COL21A1: variants seen among roughly 807,000 people sequenced by gnomAD.
The protein encoded by COL21A1 is collagen alpha-1(XXI) chain.
In COL21A1, 149 loss-of-function variants were observed where a neutral mutation model predicts 137.9. The ratio of observed to expected loss-of-function variants is 1.08; its 90% confidence interval spans 0.95 to 1.24. The LOEUF (loss-of-function observed/expected upper bound fraction) is 1.24. COL21A1 is among the 50% of genes most tolerant of loss of function. COL21A1 has a pLI of 0.00. For synonymous variants in COL21A1, 456 were observed against 391.5 expected, an observed-to-expected ratio of 1.16 and a Z score of -1.95; for missense variants, 1,167 against 1,158.4, an observed-to-expected ratio of 1.01 and a Z score of -0.11.
intron 1 of COL21A1, among the ~76,000 whole-genome samples, chr6:56,301,858 C>CTCT (rs1554181422): frequency 1.3e-5 from 2 of 151,342 alleles, no homozygotes; most frequent in Non-Finnish European, 2.9e-5. Flanking sequence ...TATTTCTCCC[C>CTCT]CCCCCAATCC....
chr6:56,108,423 A>T (rs2397203), intron 16 of COL21A1, among the ~76,000 whole-genome samples: 1 of 151,806 alleles, frequency 6.6e-6, no homozygotes, highest in Admixed American at 6.5e-5. Flanking sequence ...GCGAAGGTGC[A>T]GCAAGCAAAT....
intron 1 of COL21A1, among the ~76,000 whole-genome samples, chr6:56,235,440 A>G (rs1221515080): frequency 6.6e-6 from 1 of 151,904 alleles, no homozygotes; most frequent in Non-Finnish European, 1.5e-5. Context: ...GTTTGTGAGC[A>G]CTTACAAAAC....
intron 20 of COL21A1, among the ~76,000 whole-genome samples, chr6:56,073,379 T>C (rs1429545013): frequency 1.3e-5 from 2 of 151,466 alleles, no homozygotes; most frequent in African/African-American, 2.4e-5. Context: ...TTTCTCATTA[T>C]TGGGCTCCCA....
intron 17 of COL21A1, among the ~76,000 whole-genome samples, chr6:56,092,204 G>A (rs1418944698): frequency 6.6e-6 from 1 of 151,932 alleles, no homozygotes; most frequent in East Asian, 1.9e-4. Flanking sequence ...GAGAACATAT[G>A]TTTATGTTTA....
chr6:56,061,083 G>C, intron 25 of COL21A1, 46 bp from the exon 26 acceptor site: 1 of 1,517,682 alleles, frequency 6.6e-7, no homozygotes, highest in East Asian at 2.3e-5. Flanking sequence ...AATATTTCAG[G>C]AGGTATAATT....
At chr6:56,249,596 C>A (rs186067081), upstream of COL21A1, among the ~76,000 whole-genome samples, 1 of 152,188 alleles carries the variant, frequency 6.6e-6, no homozygotes, top group African/African-American at 2.4e-5. Flanking sequence ...CTAAAAGAAG[C>A]CAGTCACACA....
chr6:56,057,720 G>T lies in COL21A1; in HGVS notation c.2811C>A (p.Asp937Glu), dbSNP rs1412679648. 3 of 1,612,936 alleles carry T rather than the reference G, an allele frequency of 1.9e-6. No homozygotes were observed. In the African/African-American group the frequency reaches 4.0e-5, roughly 22 times the overall value. The change falls in exon 30 of 30, where the codon GAC becomes GAA. Residue 937 changes from aspartate (D) to glutamate (E), a missense_variant. Transcript: ENST00000244728. ...CAATTACACTAAAACATAGTGATGGGTCGCAGATGCCTGGGGGGCCTGGTT... is the reference window on the plus strand; with the variant it reads ...CAATTACACTAAAACATAGTGATGGTTCGCAGATGCCTGGGGGGCCTGGTT... ...QGQPGPPGIC[D>E]PSLCFSVIAR...
At chr6:56,102,012 G>A (rs192632437) in intron 16 of COL21A1, among the ~76,000 whole-genome samples, 6 of 152,130 alleles carry the variant, frequency 3.9e-5, no homozygotes, top group East Asian at 3.9e-4. Flanking sequence ...TAGTATATAC[G>A]TATTTAAAAT....
intron 1 of COL21A1, among the ~76,000 whole-genome samples, chr6:56,234,372 G>A (rs1781773584): frequency 6.6e-6 from 1 of 151,522 alleles, no homozygotes; most frequent in African/African-American, 2.4e-5. Flanking sequence ...TATTAAACAG[G>A]ATCAAAAAGG....
intron 10 of COL21A1, among the ~76,000 whole-genome samples, chr6:56,142,290 T>C (rs1774475271): frequency 2.0e-5 from 3 of 152,264 alleles, no homozygotes; most frequent in Non-Finnish European, 4.4e-5. Context: ...TTATCAGAAA[T>C]ACATTCAACA....
Position 56,301,572 on chromosome 6 carries a change from T to A in COL21A1, c.-39+92399A>T, listed in dbSNP as rs568047881. On this transcript the variant is annotated intron_variant, in intron 1 of 28. Coordinates refer to the COL21A1 transcript ENST00000370819. ...ATAAAGATAGGAACAAGATTACTTC[T>A]AACTACAGACATCAGAAACAGTTTT... Among the ~76,000 whole-genome samples the A allele has an allele frequency of 6.6e-5, 10 of 152,254 alleles. No homozygotes were observed. In the South Asian group the frequency reaches 2.1e-3, roughly 32 times the overall value.
intron 1 of COL21A1, among the ~76,000 whole-genome samples, chr6:56,220,084 A>G (rs530373121): frequency 1.3e-4 from 20 of 152,228 alleles, no homozygotes; most frequent in African/African-American, 4.8e-4. Context: ...CTCAATCAAT[A>G]TTGCATTTAT....
chr6:56,244,752 C>A (rs776615093), intron 1 of COL21A1, among the ~76,000 whole-genome samples: 1 of 152,096 alleles, frequency 6.6e-6, no homozygotes, highest in African/African-American at 2.4e-5. Context: ...AAAAGGCATT[C>A]TCAGTAATAC....
chr6:56,291,136 T>G (rs2152335591), intron 1 of COL21A1, among the ~76,000 whole-genome samples: 1 of 152,262 alleles, frequency 6.6e-6, no homozygotes, highest in South Asian at 2.1e-4. Flanking sequence ...GAGAATCTTG[T>G]ATAAAGAACT....
intron 1 of COL21A1, among the ~76,000 whole-genome samples, chr6:56,367,614 G>T (rs1766131397): frequency 6.6e-6 from 1 of 152,208 alleles, no homozygotes; most frequent in Non-Finnish European, 1.5e-5. Context: ...CCAAGCCAAT[G>T]AATTCATCTT....
At chr6:56,241,588 G>A (rs1384979118) in intron 1 of COL21A1, among the ~76,000 whole-genome samples, 4 of 152,006 alleles carry the variant, frequency 2.6e-5, no homozygotes, top group African/African-American at 9.7e-5. Context: ...AAGAGAACAG[G>A]TGATGATCAA....
chr6:56,248,026 G>A (rs1445915482), upstream of COL21A1, among the ~76,000 whole-genome samples: 4 of 152,216 alleles, frequency 2.6e-5, no homozygotes, highest in Admixed American at 1.3e-4. Flanking sequence ...TCCAAAACCT[G>A]AGGGAAGTTC....
intron 1 of COL21A1, among the ~76,000 whole-genome samples, chr6:56,326,762 A>T (rs1419446072): frequency 2.6e-5 from 4 of 152,052 alleles, no homozygotes; most frequent in Non-Finnish European, 5.9e-5. Context: ...AAATAACTTA[A>T]TTCAATAAAC....
At chr6:56,287,494 T>G (rs552894403) in intron 1 of COL21A1, among the ~76,000 whole-genome samples, 22 of 152,206 alleles carry the variant, frequency 1.4e-4, no homozygotes, top group African/African-American at 4.8e-4. Context: ...TCATGAGATC[T>G]GGTTATTTAC....
Sources: allele counts gnomAD v4.1 joint callset (sites outside exome capture counted in the v4.1 genomes callset), GRCh38; gene constraint gnomAD v4.1.1; transcripts MANE v1.5; gene names NCBI Gene and HGNC (gene_info 2026-07-23, HGNC 2026-07-21).